Variants in FHIT observed in about 807,000 individuals in gnomAD.
FHIT encodes bis(5'-adenosyl)-triphosphatase.
In FHIT, 19 loss-of-function variants were observed where a neutral mutation model predicts 17.9. The observed-to-expected ratio is 1.06, with a 90% confidence interval of 0.74 to 1.56. FHIT has a LOEUF of 1.56. Among genes scored for constraint, FHIT ranks in the 40% most tolerant of loss-of-function variants. The probability of loss-of-function intolerance (pLI) is 0.00; values close to 1 mark genes in which losing one functional copy is unlikely to be tolerated. For synonymous variants in FHIT, 81 were observed against 69.7 expected, an observed-to-expected ratio of 1.16 and a Z score of -0.81; for missense variants, 248 against 189.2, an observed-to-expected ratio of 1.31 and a Z score of -1.82.
chr3:59,956,109 C>T (rs946433031), intron 7 of FHIT, among the ~76,000 whole-genome samples: 3 of 152,198 alleles, frequency 2.0e-5, no homozygotes, highest in Non-Finnish European at 4.4e-5. Context: ...TTTTCATACT[C>T]GGAACAATCA....
At chr3:60,139,668 T>C (rs531794640) in intron 5 of FHIT, among the ~76,000 whole-genome samples, 1 of 152,268 alleles carries the variant, frequency 6.6e-6, no homozygotes, top group South Asian at 2.1e-4. Context: ...TATTCCACTT[T>C]GTATTTCTAG....
intron 7 of FHIT, among the ~76,000 whole-genome samples, chr3:60,005,288 A>T (rs1237835534): frequency 6.7e-6 from 1 of 148,902 alleles, no homozygotes; most frequent in African/African-American, 2.5e-5. Context: ...TGCAAATCAA[A>T]GTTAACAAAC....
At chr3:59,921,526 C>T (rs999253780) in intron 8 of FHIT, among the ~76,000 whole-genome samples, 1 of 152,246 alleles carries the variant, frequency 6.6e-6, no homozygotes, top group African/African-American at 2.4e-5. Context: ...CAGCATTTTT[C>T]CTTGCATCCA....
At chr3:60,868,722 T>C (rs1553754395) in intron 3 of FHIT, among the ~76,000 whole-genome samples, 1 of 152,178 alleles carries the variant, frequency 6.6e-6, no homozygotes, top group Non-Finnish European at 1.5e-5. Flanking sequence ...TTAACTCCCC[T>C]GTTAACTTAC....
chr3:60,524,611 G>A (rs2035504252), intron 5 of FHIT, among the ~76,000 whole-genome samples: 1 of 152,156 alleles, frequency 6.6e-6, no homozygotes, highest in African/African-American at 2.4e-5. Flanking sequence ...TGCTGTCATG[G>A]TTTTGGAGGC....
chr3:59,761,981 T>G (rs1701540170), intron 8 of FHIT, among the ~76,000 whole-genome samples: 1 of 152,198 alleles, frequency 6.6e-6, no homozygotes, highest in African/African-American at 2.4e-5. Flanking sequence ...GTCCTCTTTT[T>G]GGCATATCTG....
At chr3:61,064,178 C>T (rs13074044) in intron 2 of FHIT, among the ~76,000 whole-genome samples, 1 of 151,606 alleles carries the variant, frequency 6.6e-6, no homozygotes, top group African/African-American at 2.4e-5. Context: ...AAAGAGAAAT[C>T]GAAAGATATC....
intron 3 of FHIT, among the ~76,000 whole-genome samples, chr3:61,017,664 C>G (rs150788631): frequency 6.6e-6 from 1 of 152,156 alleles, no homozygotes; most frequent in Admixed American, 6.5e-5. Context: ...TAATATGCTG[C>G]AAAAATCTCT....
chr3:60,188,203 CTTTCT>C (rs1349055621), intron 5 of FHIT, among the ~76,000 whole-genome samples: 7 of 64,040 alleles, frequency 1.1e-4, no homozygotes, highest in African/African-American at 3.0e-4. Context: ...TTGACAGTTT[CTTTCT>C]TTTTTTTTTT....
chr3:60,086,242 G>A (rs1009885074), intron 5 of FHIT, among the ~76,000 whole-genome samples: 13 of 152,084 alleles, frequency 8.5e-5, no homozygotes, highest in African/African-American at 2.2e-4. Flanking sequence ...GACAGGCATC[G>A]ATCTATTCAT....
intron 5 of FHIT, among the ~76,000 whole-genome samples, chr3:60,468,423 A>G (rs1483762624): frequency 2.0e-5 from 3 of 151,690 alleles, no homozygotes; most frequent in Admixed American, 1.3e-4. Context: ...TTCTCAAGTG[A>G]TATGTTTTTA....
At chr3:60,988,643 A>G (rs1458336202) in intron 3 of FHIT, among the ~76,000 whole-genome samples, 3 of 152,154 alleles carry the variant, frequency 2.0e-5, no homozygotes, top group Non-Finnish European at 4.4e-5. Context: ...GGCATGATAC[A>G]TAAAAGGAGA....
chr3:60,620,602 A>C (rs545521696), intron 4 of FHIT, among the ~76,000 whole-genome samples: 76 of 151,892 alleles, frequency 5.0e-4, no homozygotes, highest in African/African-American at 1.5e-3. Flanking sequence ...AAAAAAAACT[A>C]TGAAGAGAAT....
chr3:59,854,074 T>C (rs1244105873), intron 8 of FHIT, among the ~76,000 whole-genome samples: 1 of 152,280 alleles, frequency 6.6e-6, no homozygotes, highest in East Asian at 1.9e-4. Context: ...ATTTGAACCA[T>C]TGGGTACTTC....
chr3:60,305,635 G>A (rs1209749372), intron 5 of FHIT, among the ~76,000 whole-genome samples: 2 of 152,130 alleles, frequency 1.3e-5, no homozygotes, highest in African/African-American at 2.4e-5. Flanking sequence ...CTAGGAAGAA[G>A]TAAGAAATAA....
chr3:61,180,780 A>G (rs1365526103), intron 2 of FHIT, among the ~76,000 whole-genome samples: 1 of 152,198 alleles, frequency 6.6e-6, no homozygotes, highest in African/African-American at 2.4e-5. Context: ...CTTATCAATG[A>G]TGTTAACAGA....
chr3:61,205,098 T>A (rs1399533016), intron 1 of FHIT, among the ~76,000 whole-genome samples: 1 of 151,916 alleles, frequency 6.6e-6, no homozygotes, highest in Non-Finnish European at 1.5e-5. Flanking sequence ...TGTGATAGTT[T>A]GCAGAGAATG....
chr3:60,652,150 G>C (rs2040004697), intron 4 of FHIT, among the ~76,000 whole-genome samples: 1 of 152,156 alleles, frequency 6.6e-6, no homozygotes, highest in Admixed American at 6.5e-5. Flanking sequence ...GAAGAGATTG[G>C]TGGGGCTGAA....
At chr3:61,011,642 T>C (rs1017339773) in intron 3 of FHIT, among the ~76,000 whole-genome samples, 13 of 152,190 alleles carry the variant, frequency 8.5e-5, no homozygotes, top group African/African-American at 3.1e-4. Context: ...TTCCTAAAAT[T>C]GATATGTCTG....
Sources: gnomAD v4.1 joint callset for allele counts (sites outside exome capture counted in the v4.1 genomes callset) on GRCh38, gnomAD v4.1.1 for gene constraint, MANE v1.5 for transcripts, NCBI Gene and HGNC (gene_info 2026-07-23, HGNC 2026-07-21) for gene names.